Variants in ZDHHC22 observed in about 807,000 individuals in gnomAD.
ZDHHC22 encodes palmitoyltransferase ZDHHC22.
In ZDHHC22, 13 loss-of-function variants were observed where a neutral mutation model predicts 17.0. That is an observed-to-expected ratio of 0.76 (90% CI 0.50 to 1.21). The LOEUF is 1.21. Among genes scored for constraint, ZDHHC22 ranks in the 50% most tolerant of loss-of-function variants. The pLI, the probability that ZDHHC22 is intolerant of heterozygous loss-of-function variation, is 0.00. For missense variants in ZDHHC22, 319 were observed against 342.3 expected (o/e 0.93, Z 0.54); for synonymous variants, 138 against 154.7 (o/e 0.89, Z 0.80).
rs1395035338 is a variant in ZDHHC22 at position 77,131,452 on chromosome 14, C to G, written c.*2231G>C. The G allele has an allele frequency of 6.6e-6, 1 of 152,182 alleles. No homozygotes were observed. The highest frequency in any genetic ancestry group is 2.4e-5 in the African/African-American group (1 of 41,434). The allele number at this position is 152,182 out of a possible 1,614,324, so 9.4% of individuals were successfully genotyped here. On this transcript the variant is annotated 3_prime_UTR_variant, in exon 3 of 3. Transcript: ENST00000319374. ...CCTTCCCCAGGATGTCAGGCCTCAC[C>G]GTGCTGAGCCTTCAGGAGGCTGGAA... is the stretch of plus-strand genomic sequence containing the variant.
chr14:77,142,178 G>A (rs889990946), upstream of ZDHHC22: 5 of 152,270 alleles, frequency 3.3e-5, no homozygotes, highest in African/African-American at 1.2e-4. Flanking sequence ...TGGGACTCTG[G>A]AGCCTGTCTA....
rs759095143 is a variant in ZDHHC22 at position 77,139,417 on chromosome 14, C to T, written c.322G>A (p.Asp108Asn). Reference sequence around the variant, plus strand: ...TTGCCGGTGAAGAAACAGTGATGGTCGTGCCTCAGGGTGACTCTGGCGCAC... The same window carrying T: ...TTGCCGGTGAAGAAACAGTGATGGTTGTGCCTCAGGGTGACTCTGGCGCAC... ...RVCARVTLRH[D>N]HHCFFTGNCI... Residue 108 changes from aspartate (D) to asparagine (N), a missense_variant, in exon 2 of 3, where the codon GAC (aspartate) becomes AAC (asparagine). Asp to Asn is a conservative substitution (Grantham distance 23). Transcript: ENST00000319374. 1.7e-5 allele frequency: 27 copies of T among 1,611,060 alleles called. No homozygotes were observed. In the East Asian group the frequency reaches 5.8e-4, roughly 35 times the overall value.
In ZDHHC22 at chr14:77,133,587, G is replaced by A. The variant is rs1887074446; in HGVS notation, c.*96C>T. 6.0e-6 allele frequency: 9 copies of A among 1,496,056 alleles called. 1 individual carries two copies. In the South Asian group the frequency reaches 9.2e-5, roughly 15 times the overall value. 92.7% of individuals were successfully genotyped at this position (1,496,056 alleles called of 1,614,324 possible). On this transcript the variant is annotated 3_prime_UTR_variant, in exon 3 of 3. Coordinates refer to ENST00000319374, the MANE Select transcript of ZDHHC22 (RefSeq NM_174976.2). ...AGATGCTAGGACCTTACCAGCACAA[G>A]GTTGTAGTGAGTCATGGGTGGAGAC... is the stretch of plus-strand genomic sequence containing the variant.
chr14:77,139,293 G>C lies in ZDHHC22; in HGVS notation c.446C>G (p.Ser149Cys). ...YSMVAGVAYI[S>C]AVLSISFAHP... Reference sequence around the variant, plus strand: ...GGCGAAGGAGATGGAAAGGACAGCGGAGATGTAGGCCACGCCGGCCACCAT... The same window carrying C: ...GGCGAAGGAGATGGAAAGGACAGCGCAGATGTAGGCCACGCCGGCCACCAT... The change falls in exon 2 of 3, where the codon TCC becomes TGC. Residue 149 changes from serine (S) to cysteine (C), a missense_variant. Coordinates refer to ENST00000319374, the MANE Select transcript of ZDHHC22 (RefSeq NM_174976.2). 6.3e-7 allele frequency: 1 copy of C among 1,599,046 alleles called. No individual in the cohort carries two copies.
chr14:77,136,748 T>C (rs989339521), intron 2 of ZDHHC22, among the ~76,000 whole-genome samples: 3 of 152,146 alleles, frequency 2.0e-5, no homozygotes, highest in Admixed American at 1.3e-4. Context: ...TGTACCACAG[T>C]TGGGGACAGC....
chr14:77,138,328 T>C, intron 2 of ZDHHC22, among the ~76,000 whole-genome samples: 1 of 152,052 alleles, frequency 6.6e-6, no homozygotes, highest in Non-Finnish European at 1.5e-5. Flanking sequence ...GAGGCCAAGG[T>C]GGGCGGATCA....
At position 77,139,537 on chromosome 14, in the gene ZDHHC22, C is replaced by A; in HGVS notation, c.202G>T (p.Val68Phe). The A allele has an allele frequency of 6.2e-7, 1 of 1,608,824 alleles. No individual in the cohort carries two copies. The change falls in exon 2 of 3, where the codon GTC becomes TTC. Residue 68 changes from valine (V) to phenylalanine (F), a missense_variant. Physicochemically the swap from Val to Phe is conservative, Grantham distance 50. Coordinates refer to ENST00000319374, the MANE Select transcript of ZDHHC22 (RefSeq NM_174976.2). ...AGGTCGTCTGGGGAGTTCTGGATGA[C>A]AAGGACGTAATTGCCCAGGGCGTTG... ...SANALGNYVL[V>F]IQNSPDDLGA...
At position 77,131,543 on chromosome 14, in the gene ZDHHC22, G is replaced by A. The variant is rs1336853301; in HGVS notation, c.*2140C>T. ...AAAGAGTCAAGGCCAAAATTGCCCAGATCTTCCCCTCCTCCCTCTCCCTCC... is the reference window on the plus strand; with the variant it reads ...AAAGAGTCAAGGCCAAAATTGCCCAAATCTTCCCCTCCTCCCTCTCCCTCC... On this transcript the variant is annotated 3_prime_UTR_variant, in exon 3 of 3. Transcript: ENST00000319374. 1 of 152,222 alleles carries A rather than the reference G, an allele frequency of 6.6e-6. No homozygotes were observed. The highest frequency in any genetic ancestry group is 1.9e-4 in the East Asian group (1 of 5,198). 9.4% of individuals were successfully genotyped at this position (152,222 alleles called of 1,614,324 possible). A position where few individuals can be genotyped will look rare whatever the true frequency, so the allele number is the denominator to read the frequency against.
chr14:77,140,195 C>T lies in ZDHHC22; in HGVS notation c.-14-443G>A, dbSNP rs891637121. 6.6e-6 allele frequency among the ~76,000 whole-genome samples: 1 copy of T among 152,150 alleles called. No individual in the cohort carries two copies. Among genetic ancestry groups the T allele is most frequent in the Non-Finnish European group, 1.5e-5 (1 of 68,014 alleles). On this transcript the variant is annotated intron_variant, in intron 1 of 2. Coordinates refer to ENST00000319374, the MANE Select transcript of ZDHHC22 (RefSeq NM_174976.2). This position sits in a 1 kb window ranked among gnomAD's most constrained non-coding sequence, Gnocchi z 5.9. ...GATTTGGGGTCGGGGGCAGGAGAAT[C>T]AGCGGCACTTGACCTGCTGGAAATC...
intron 2 of ZDHHC22, among the ~76,000 whole-genome samples, chr14:77,137,685 C>G (rs1566812051): frequency 6.6e-6 from 1 of 152,182 alleles, no homozygotes; most frequent in African/African-American, 2.4e-5. Context: ...TGGGTCCCCC[C>G]TGTATCTCTG....
Position 77,133,841 on chromosome 14 carries a change from G to A in ZDHHC22, c.634C>T (p.Arg212Cys). 1.9e-6 allele frequency: 3 copies of A among 1,613,660 alleles called. No homozygotes were observed. Among genetic ancestry groups the A allele is most frequent in the Non-Finnish European group, 2.5e-6 (3 of 1,179,808 alleles). The change falls in exon 3 of 3, where the codon CGC (arginine) becomes TGC (cysteine). Residue 212 changes from arginine to cysteine, a missense_variant. Physicochemically the swap from Arg to Cys is radical, Grantham distance 180. Coordinates refer to ENST00000319374, the MANE Select transcript of ZDHHC22 (RefSeq NM_174976.2). ...FCCHQLLLIL[R>C]GQTRHQVRKG... is the part of the protein sequence containing the mutation. Reference sequence around the variant, plus strand: ...CGCACCTGGTGGCGGGTCTGCCCGCGGAGGATCAACAGCAGCTGGTGGCAG... The same window carrying A: ...CGCACCTGGTGGCGGGTCTGCCCGCAGAGGATCAACAGCAGCTGGTGGCAG...
chr14:77,133,557 G>C lies in ZDHHC22; in HGVS notation c.*126C>G. 4 of 1,287,314 alleles carry C rather than the reference G, an allele frequency of 3.1e-6. No homozygotes were observed. The highest frequency in any genetic ancestry group is 4.2e-6 in the Non-Finnish European group (4 of 951,508). 79.7% of individuals were successfully genotyped at this position (1,287,314 alleles called of 1,614,324 possible). A position where few individuals can be genotyped will look rare whatever the true frequency, so the allele number is the denominator to read the frequency against. On this transcript the variant is annotated 3_prime_UTR_variant, in exon 3 of 3. Coordinates refer to ENST00000319374, the MANE Select transcript of ZDHHC22 (RefSeq NM_174976.2). ...CGCTGTTCTCATGGGTGGAAGGTGAGGGGAAGATGCTAGGACCTTACCAGC... is the reference window on the plus strand; with the variant it reads ...CGCTGTTCTCATGGGTGGAAGGTGACGGGAAGATGCTAGGACCTTACCAGC...
Position 77,139,498 on chromosome 14 carries a change from C to G in ZDHHC22, c.241G>C (p.Gly81Arg). Reference sequence around the variant, plus strand: ...CATGGAGTCTTCCTGGCCGAGGCCCCCTGGCAGGCCCCCAGGTCGTCTGGG... The same window carrying G: ...CATGGAGTCTTCCTGGCCGAGGCCCGCTGGCAGGCCCCCAGGTCGTCTGGG... ...NSPDDLGACQGASARKTPCPS... is the reference protein window; with the variant it reads ...NSPDDLGACQRASARKTPCPS... The change falls in exon 2 of 3, where the codon GGG (glycine) becomes CGG (arginine). Residue 81 changes from glycine (G) to arginine (R), a missense_variant. Transcript: ENST00000319374. The G allele has an allele frequency of 6.2e-7, 1 of 1,612,422 alleles. No individual in the cohort carries two copies. The highest frequency in any genetic ancestry group is 2.2e-5 in the East Asian group (1 of 44,844).
intron 2 of ZDHHC22, among the ~76,000 whole-genome samples, chr14:77,137,967 A>AG (rs1887170827): frequency 6.6e-6 from 1 of 152,188 alleles, no homozygotes; most frequent in Non-Finnish European, 1.5e-5. Flanking sequence ...GGCAGACCAG[A>AG]GACTGCCACT....
In ZDHHC22 at chr14:77,133,515, C is replaced by T; in HGVS notation, c.*168G>A. The T allele has an allele frequency of 6.2e-6, 6 of 972,922 alleles. No homozygotes were observed. The highest frequency in any genetic ancestry group is 8.6e-6 in the Non-Finnish European group (6 of 698,350). The allele number at this position is 972,922 out of a possible 1,614,324, so 60.3% of individuals were successfully genotyped here. A position where few individuals can be genotyped will look rare whatever the true frequency, so the allele number is the denominator to read the frequency against. On this transcript the variant is annotated 3_prime_UTR_variant, in exon 3 of 3. Coordinates refer to ENST00000319374, the MANE Select transcript of ZDHHC22 (RefSeq NM_174976.2). ...CTGGGGGGACATTTTTCCTCCTTGT[C>T]ATGATCCACCAGCTCACGCTGTTCT...
intron 2 of ZDHHC22, among the ~76,000 whole-genome samples, chr14:77,135,788 G>C (rs1887125938): frequency 6.6e-6 from 1 of 152,218 alleles, no homozygotes. Flanking sequence ...CTGGGTGGAT[G>C]GAAGCCATTT....
chr14:77,133,292 G>A lies in ZDHHC22; in HGVS notation c.*391C>T, dbSNP rs1887068365. 1 of 182,860 alleles carries A rather than the reference G, an allele frequency of 5.5e-6. No individual in the cohort carries two copies. The highest frequency in any genetic ancestry group is 1.1e-5 in the Non-Finnish European group (1 of 87,620). The allele number at this position is 182,860 out of a possible 1,614,324, so 11.3% of individuals were successfully genotyped here. ...GGTCCCAGGGAGTCTCATACCAGCA[G>A]CAAGAATCCACTCCCCTCTCCCAAC... On this transcript the variant is annotated 3_prime_UTR_variant, in exon 3 of 3. Coordinates refer to ENST00000319374, the MANE Select transcript of ZDHHC22 (RefSeq NM_174976.2).
chr14:77,139,315 C>T lies in ZDHHC22; in HGVS notation c.424G>A (p.Val142Met), dbSNP rs1446107485. Residue 142 changes from valine (V) to methionine (M), a missense_variant, in exon 2 of 3, where the codon GTG (valine) becomes ATG (methionine). Val to Met is a conservative substitution (Grantham distance 21). Coordinates refer to ENST00000319374, the MANE Select transcript of ZDHHC22 (RefSeq NM_174976.2). ...YTSLACLYSMVAGVAYISAVL... is the reference protein window; with the variant it reads ...YTSLACLYSMMAGVAYISAVL... ...GCGGAGATGTAGGCCACGCCGGCCA[C>T]CATGGAGTAGAGGCAGGCCAGGGAG... is the stretch of plus-strand genomic sequence containing the variant. 1 of 1,601,152 alleles carries T rather than the reference C, an allele frequency of 6.2e-7. No homozygotes were observed. The highest frequency in any genetic ancestry group is 1.1e-5 in the South Asian group (1 of 88,580).
rs939377824 is a variant in ZDHHC22 at position 77,131,372 on chromosome 14, CA to C, written c.*2310del. On this transcript the variant is annotated 3_prime_UTR_variant, in exon 3 of 3. Transcript: ENST00000319374. ...TCACATCTGGCAACCTCCCCACCGT[CA>C]TCCCCCATTGACCAGTCTGCAAGCA... 1 of 152,320 alleles carries C rather than the reference CA, an allele frequency of 6.6e-6. No homozygotes were observed. The highest frequency in any genetic ancestry group is 2.4e-5 in the African/African-American group (1 of 41,450). The allele number at this position is 152,320 out of a possible 1,614,324, so 9.4% of individuals were successfully genotyped here.
Sources: allele counts gnomAD v4.1 joint callset (sites outside exome capture counted in the v4.1 genomes callset), GRCh38; gene constraint gnomAD v4.1.1; non-coding constraint Gnocchi (gnomAD v3.1); transcripts MANE v1.5; gene names NCBI Gene and HGNC (gene_info 2026-07-23, HGNC 2026-07-21).